Variants in ITGA9 observed in about 807,000 individuals in gnomAD.
ITGA9 encodes the protein integrin alpha-9.
A neutral mutation model predicts 127.8 loss-of-function variants in ITGA9; 56 were observed. The ratio of observed to expected loss-of-function variants is 0.44; its 90% CI spans 0.35 to 0.55. The LOEUF (loss-of-function observed/expected upper bound fraction) is 0.55, where lower values mean the gene tolerates loss of function less well. Ranked by LOEUF, ITGA9 falls within the 20% of genes least tolerant of loss-of-function variation. The probability of loss-of-function intolerance (pLI) is 0.00; values close to 1 mark genes in which losing one functional copy is unlikely to be tolerated. For missense variants in ITGA9, 1,196 were observed against 1,347.1 expected (o/e 0.89, Z 1.76); for synonymous variants, 508 against 514.5 (o/e 0.99, Z 0.17).
At chr3:37,556,597 C>A (rs1699433400) in intron 15 of ITGA9, among the ~76,000 whole-genome samples, 1 of 152,294 alleles carries the variant, frequency 6.6e-6, no homozygotes, top group East Asian at 1.9e-4. Flanking sequence ...GAACCTGGGA[C>A]CTTGTTCAAT....
chr3:37,595,109 T>G (rs1277289410), intron 15 of ITGA9, among the ~76,000 whole-genome samples: 4 of 151,954 alleles, frequency 2.6e-5, no homozygotes, highest in African/African-American at 9.7e-5. Context: ...TTGTTTTTGT[T>G]TTTTTTTGAC....
intron 18 of ITGA9, among the ~76,000 whole-genome samples, chr3:37,698,339 A>C (rs980301394): frequency 6.6e-6 from 1 of 152,132 alleles, no homozygotes; most frequent in Non-Finnish European, 1.5e-5. Context: ...TCTTTAGTTT[A>C]ATTAGATCCC....
At chr3:37,818,035 T>A (rs1697457976) in intron 27 of ITGA9, among the ~76,000 whole-genome samples, 1 of 151,946 alleles carries the variant, frequency 6.6e-6, no homozygotes, top group African/African-American at 2.4e-5. Flanking sequence ...GTGAGAGCAG[T>A]ATTTATTAAA....
chr3:37,815,485 T>A (rs1443404453), intron 27 of ITGA9, among the ~76,000 whole-genome samples: 3 of 152,026 alleles, frequency 2.0e-5, no homozygotes, highest in Non-Finnish European at 4.4e-5. Flanking sequence ...GGTACACGCC[T>A]GCAGTCCCAG....
intron 27 of ITGA9, among the ~76,000 whole-genome samples, chr3:37,813,701 T>C (rs916329519): frequency 6.6e-6 from 1 of 152,240 alleles, no homozygotes; most frequent in African/African-American, 2.4e-5. Context: ...AGAACTGATA[T>C]TTTTTCTGTT....
intron 15 of ITGA9, among the ~76,000 whole-genome samples, chr3:37,606,998 A>C (rs1203119250): frequency 2.4e-5 from 3 of 127,304 alleles, no homozygotes; most frequent in Non-Finnish European, 4.8e-5. Context: ...TTTTTTAAAG[A>C]GATAGGGTTT....
At chr3:37,468,395 G>T (rs565909634) in intron 1 of ITGA9, among the ~76,000 whole-genome samples, 1 of 152,226 alleles carries the variant, frequency 6.6e-6, no homozygotes, top group African/African-American at 2.4e-5. Context: ...GCTCAGGGCA[G>T]TGGGAATTAA....
intron 15 of ITGA9, among the ~76,000 whole-genome samples, chr3:37,591,196 T>C (rs1373232810): frequency 6.6e-6 from 1 of 152,182 alleles, no homozygotes; most frequent in Non-Finnish European, 1.5e-5. Flanking sequence ...TTTCTCCTCA[T>C]TTTTTCCCCA....
intron 26 of ITGA9, among the ~76,000 whole-genome samples, chr3:37,802,017 G>A (rs1472294231): frequency 5.9e-5 from 9 of 152,132 alleles, no homozygotes. Flanking sequence ...TATAAAGAAG[G>A]CCACTGTCAA....
At chr3:37,605,535 G>A (rs1469285917) in intron 15 of ITGA9, among the ~76,000 whole-genome samples, 1 of 152,142 alleles carries the variant, frequency 6.6e-6, no homozygotes, top group Non-Finnish European at 1.5e-5. Flanking sequence ...GCAACTTTGG[G>A]CAGGTTTCCT....
intron 18 of ITGA9, among the ~76,000 whole-genome samples, chr3:37,713,245 G>A (rs989326191): frequency 2.0e-5 from 3 of 152,200 alleles, no homozygotes; most frequent in Non-Finnish European, 4.4e-5. Flanking sequence ...GACAACAAAA[G>A]TGGGAGCTTT....
At chr3:37,646,148 C>T (rs1700374261) in intron 16 of ITGA9, among the ~76,000 whole-genome samples, 1 of 152,152 alleles carries the variant, frequency 6.6e-6, no homozygotes, top group African/African-American at 2.4e-5. Flanking sequence ...AACAAACAGC[C>T]CATAGGCCAA....
intron 15 of ITGA9, among the ~76,000 whole-genome samples, chr3:37,627,795 A>G (rs1323291117): frequency 1.3e-5 from 2 of 152,188 alleles, no homozygotes; most frequent in Non-Finnish European, 2.9e-5. Flanking sequence ...ATGTCATCAA[A>G]AAGAAGGTGT....
At chr3:37,756,183 C>G (rs566905945) in intron 23 of ITGA9, among the ~76,000 whole-genome samples, 4 of 148,214 alleles carry the variant, frequency 2.7e-5, no homozygotes, top group African/African-American at 1.0e-4. Context: ...AAATATTAAC[C>G]CAAAGAAATA....
intron 18 of ITGA9, among the ~76,000 whole-genome samples, chr3:37,703,712 GT>G: frequency 6.6e-6 from 1 of 152,352 alleles, no homozygotes; most frequent in African/African-American, 2.4e-5. Context: ...AACCAACATA[GT>G]TGCAACAGCA....
chr3:37,653,539 G>A (rs1489629165), intron 16 of ITGA9, among the ~76,000 whole-genome samples, 175 bp from the exon 17 acceptor site: 1 of 152,152 alleles, frequency 6.6e-6, no homozygotes, highest in Non-Finnish European at 1.5e-5. Context: ...AGGCTTCCTT[G>A]GAGCTTGGAA....
At position 37,777,392 on chromosome 3, in the gene ITGA9, G is replaced by A; in HGVS notation, c.2542G>A (p.Val848Met). ...AEMFHVQEMV[V>M]GQEKGNCSFQ... Reference sequence around the variant, plus strand: ...CTGACAGGCCTCTTTTCATTTGCAGGTGGGCCAAGAGAAGGGAAACTGCTC... The same window carrying A: ...CTGACAGGCCTCTTTTCATTTGCAGATGGGCCAAGAGAAGGGAAACTGCTC... The change falls in exon 24 of 28, where the codon GTG becomes ATG. Residue 848 changes from valine (V) to methionine (M), a missense_variant and splice_region_variant. Physicochemically the swap from Val to Met is conservative, Grantham distance 21 (BLOSUM62 1). Transcript: ENST00000264741. 1 of 1,614,094 alleles carries A rather than the reference G, an allele frequency of 6.2e-7. No individual in the cohort carries two copies. The highest frequency in any genetic ancestry group is 1.3e-5 in the African/African-American group (1 of 75,022).
intron 1 of ITGA9, among the ~76,000 whole-genome samples, chr3:37,470,140 G>GTTTTTTTTTTTT (rs71288094): frequency 1.1e-4 from 14 of 133,060 alleles, no homozygotes; most frequent in South Asian, 2.4e-4. Context: ...GTTTCTTCTT[G>GTTTTTTTTTTTT]TTTTTTTTTT....
At chr3:37,590,203 A>G (rs977834630) in intron 15 of ITGA9, among the ~76,000 whole-genome samples, 3 of 152,084 alleles carry the variant, frequency 2.0e-5, no homozygotes, top group Non-Finnish European at 4.4e-5. Context: ...GGTTGTGGCC[A>G]CCCTTTCATG....
Sources: gnomAD v4.1 joint callset for allele counts (sites outside exome capture counted in the v4.1 genomes callset) on GRCh38, gnomAD v4.1.1 for gene constraint, MANE v1.5 for transcripts, NCBI Gene and HGNC (gene_info 2026-07-23, HGNC 2026-07-21) for gene names.